The following MUCL3 variants were observed in gnomAD, a reference collection of about 807,000 sequenced individuals.
MUCL3 encodes the protein mucin-like protein 3.
A neutral mutation model predicts 70.2 loss-of-function variants in MUCL3; 42 were observed. That is an observed-to-expected ratio of 0.60 (90% confidence interval 0.47 to 0.77). The LOEUF (loss-of-function observed/expected upper bound fraction) is 0.77, where lower values mean the gene tolerates loss of function less well. Among genes scored for constraint, MUCL3 ranks in the 30% least tolerant of loss-of-function variants. MUCL3 has a pLI of 0.00. For missense variants in MUCL3, 1,429 were observed against 1,670.0 expected (o/e 0.86, Z 2.52); for synonymous variants, 522 against 647.0 (o/e 0.81, Z 2.93).
Position 30,952,161 on chromosome 6 carries a change from G to A in MUCL3, c.3697G>A (p.Glu1233Lys). 1.2e-6 allele frequency: 2 copies of A among 1,613,452 alleles called. No homozygotes were observed. Among genetic ancestry groups the A allele is most frequent in the Non-Finnish European group, 1.7e-6 (2 of 1,179,878 alleles). ...CCCAGTAAAGTCCACAGAAAACCCAGAAAAAACAGCAGCAGTCACAAAGAC... is the reference window on the plus strand; with the variant it reads ...CCCAGTAAAGTCCACAGAAAACCCAAAAAAAACAGCAGCAGTCACAAAGAC... ...KAPVKSTENP[E>K]KTAAVTKTIK... is the part of the protein sequence containing the mutation. The change falls in exon 2 of 3, where the codon GAA becomes AAA. Residue 1233 changes from glutamate to lysine, a missense_variant. Physicochemically the swap from Glu to Lys is moderately conservative, Grantham distance 56. Coordinates refer to ENST00000462446, the MANE Select transcript of MUCL3 (RefSeq NM_080870.4).
At position 30,952,268 on chromosome 6, in the gene MUCL3, T is replaced by A; in HGVS notation, c.3804T>A (p.His1268Gln). 3.1e-6 allele frequency: 5 copies of A among 1,614,060 alleles called. No homozygotes were observed. The highest frequency in any genetic ancestry group is 4.2e-6 in the Non-Finnish European group (5 of 1,179,990). ...SSHLNKTEVT[H>Q]QVPTGSFTLI... ...ATCTAAATAAAACTGAAGTTACTCA[T>A]CAGGTGCCCACTGGTTCTTTCACCC... The change falls in exon 2 of 3, where the codon CAT becomes CAA. Residue 1268 changes from histidine (H) to glutamine (Q), a missense_variant. Physicochemically the swap from His to Gln is conservative, Grantham distance 24. Coordinates refer to ENST00000462446, the MANE Select transcript of MUCL3 (RefSeq NM_080870.4).
Position 30,948,795 on chromosome 6 carries a change from T to C in MUCL3, c.331T>C (p.Ser111Pro). 6.4e-7 allele frequency: 1 copy of C among 1,551,210 alleles called. No homozygotes were observed. Among genetic ancestry groups the C allele is most frequent in the Non-Finnish European group, 8.7e-7 (1 of 1,146,940 alleles). Residue 111 changes from serine to proline, a missense_variant, in exon 2 of 3, where the codon TCT becomes CCT. Ser to Pro is a moderately conservative substitution (Grantham distance 74, BLOSUM62 -1). Coordinates refer to ENST00000462446, the MANE Select transcript of MUCL3 (RefSeq NM_080870.4). Reference sequence around the variant, plus strand: ...CTCCAAAACTATAGACCACAAAAGCTCTACAGATAATCATGAGGCTCCTCC... The same window carrying C: ...CTCCAAAACTATAGACCACAAAAGCCCTACAGATAATCATGAGGCTCCTCC... ...GNSKTIDHKS[S>P]TDNHEAPPTS...
chr6:30,952,989 A>G lies in MUCL3; in HGVS notation c.4054A>G (p.Thr1352Ala). Reference sequence around the variant, plus strand: ...ATCACAGGTCTCCTATATGATGCGGACACGCCGCACACTAACCCAGAACAC... The same window carrying G: ...ATCACAGGTCTCCTATATGATGCGGGCACGCCGCACACTAACCCAGAACAC... Reference protein sequence around the residue: ...LIFLVSYMMRTRRTLTQNTQY... With the variant: ...LIFLVSYMMRARRTLTQNTQY... Residue 1352 changes from threonine to alanine, a missense_variant, in exon 3 of 3, where the codon ACA becomes GCA. Coordinates refer to ENST00000462446, the MANE Select transcript of MUCL3 (RefSeq NM_080870.4). The G allele has an allele frequency of 1.9e-6, 3 of 1,614,202 alleles. No individual in the cohort carries two copies. Among genetic ancestry groups the G allele is most frequent in the Non-Finnish European group, 2.5e-6 (3 of 1,180,038 alleles).
Position 30,953,406 on chromosome 6 carries a change from G to A in MUCL3, c.*289G>A. On this transcript the variant is annotated 3_prime_UTR_variant, in exon 3 of 3. Coordinates refer to ENST00000462446, the MANE Select transcript of MUCL3 (RefSeq NM_080870.4). ...GGTGTTTGATGGACATGTTGTGGGG[G>A]CACCAATGCAGAACACTGCACTGAG... The A allele has an allele frequency of 2.0e-6, 1 of 506,050 alleles. No individual in the cohort carries two copies. Among genetic ancestry groups the A allele is most frequent in the Non-Finnish European group, 3.5e-6 (1 of 282,578 alleles). 31.3% of individuals were successfully genotyped at this position (506,050 alleles called of 1,614,324 possible).
chr6:30,952,630 G>C lies in MUCL3; in HGVS notation c.4035+131G>C, dbSNP rs141734710. On this transcript the variant is annotated intron_variant, in intron 2 of 2. Transcript: ENST00000462446. ...GGCAGAAGTGGGAGGAACAGTAATA[G>C]AGGGAGAGTTTTGGTGAAAACTAAG... 2.0e-4 allele frequency: 210 copies of C among 1,069,820 alleles called. No homozygotes were observed. The African/African-American group carries it at 2.6e-3, about 13-fold the overall frequency. The allele number at this position is 1,069,820 out of a possible 1,614,324, so 66.3% of individuals were successfully genotyped here.
In MUCL3 at chr6:30,950,582, G is replaced by C. The variant is rs868266427; in HGVS notation, c.2118G>C (p.Arg706Ser). 1 of 1,542,028 alleles carries C rather than the reference G, an allele frequency of 6.5e-7. No homozygotes were observed. Among genetic ancestry groups the C allele is most frequent in the Admixed American group, 2.0e-5 (1 of 49,544 alleles). Reference sequence around the variant, plus strand: ...CAGAGCCTACAGAACACGGAGAAAGGACCCCACTGGCCAATGAGAACACCA... The same window carrying C: ...CAGAGCCTACAGAACACGGAGAAAGCACCCCACTGGCCAATGAGAACACCA... Reference protein sequence around the residue: ...SSAEPTEHGERTPLANENTTL... With the variant: ...SSAEPTEHGESTPLANENTTL... Residue 706 changes from arginine (R) to serine (S), a missense_variant, in exon 2 of 3, where the codon AGG (arginine) becomes AGC (serine). Transcript: ENST00000462446.
chr6:30,950,356 A>G lies in MUCL3; in HGVS notation c.1892A>G (p.Asn631Ser), dbSNP rs1220559821. Residue 631 changes from asparagine (N) to serine (S), a missense_variant, in exon 2 of 3, where the codon AAT becomes AGT. Transcript: ENST00000462446. ...EPTENRERTA[N>S]ENTTPSPAGP... ...ACAGAAAATAGAGAAAGGACAGCCA[A>G]TGAGAACACCACACCATCCCCAGCA... 11 of 1,550,928 alleles carry G rather than the reference A, an allele frequency of 7.1e-6. No homozygotes were observed. Among genetic ancestry groups the G allele is most frequent in the East Asian group, 2.4e-5 (1 of 40,834 alleles).
chr6:30,946,644 T>C (rs1795792796), intron 1 of MUCL3, among the ~76,000 whole-genome samples: 2 of 152,222 alleles, frequency 1.3e-5, no homozygotes, highest in African/African-American at 4.8e-5. Flanking sequence ...AATAAACAAA[T>C]ATATGAACAG....
chr6:30,952,318 G>A lies in MUCL3; in HGVS notation c.3854G>A (p.Ser1285Asn), dbSNP rs1760750924. ...FTLITSRTKL[S>N]SITSEATGNE... ...CTCATTACATCTAGAACGAAGCTGA[G>A]TTCTATCACATCAGAAGCCACAGGA... Residue 1285 changes from serine (S) to asparagine (N), a missense_variant, in exon 2 of 3, where the codon AGT (serine) becomes AAT (asparagine). Transcript: ENST00000462446. 6 of 1,614,016 alleles carry A rather than the reference G, an allele frequency of 3.7e-6. No homozygotes were observed. The highest frequency in any genetic ancestry group is 1.3e-5 in the African/African-American group (1 of 74,918).
In MUCL3 at chr6:30,952,157, C is replaced by T; in HGVS notation, c.3693C>T (p.Asn1231=). The change falls in exon 2 of 3, where the codon AAC becomes AAT. Residue 1231 remains asparagine, a synonymous_variant. Coordinates refer to ENST00000462446, the MANE Select transcript of MUCL3 (RefSeq NM_080870.4). ...AAGCCCCAGTAAAGTCCACAGAAAA[C>T]CCAGAAAAAACAGCAGCAGTCACAA... ...TIKAPVKSTE[N]PEKTAAVTKT... is the part of the protein sequence containing the mutation. 4 of 1,613,836 alleles carry T rather than the reference C, an allele frequency of 2.5e-6. No individual in the cohort carries two copies. The South Asian group carries it at 3.3e-5, about 13-fold the overall frequency.
At chr6:30,943,706 T>C (rs1279798523) in intron 1 of MUCL3, among the ~76,000 whole-genome samples, 3 of 152,252 alleles carry the variant, frequency 2.0e-5, no homozygotes, top group East Asian at 1.9e-4. Context: ...CATTTTCCTA[T>C]AACAAATGTT....
Position 30,950,549 on chromosome 6 carries a change from A to C in MUCL3, c.2085A>C (p.Ser695=). The part of the protein sequence containing the change: ...RTPFANEKTT[S]SSAEPTEHGE... ...CATTTGCCAATGAGAAAACCACATC[A>C]TCCTCAGCAGAGCCTACAGAACACG... The change falls in exon 2 of 3, where the codon TCA becomes TCC. Residue 695 remains serine, a synonymous_variant. Coordinates refer to ENST00000462446, the MANE Select transcript of MUCL3 (RefSeq NM_080870.4). The C allele has an allele frequency of 4.5e-6, 7 of 1,548,850 alleles. No homozygotes were observed. Among genetic ancestry groups the C allele is most frequent in the Non-Finnish European group, 6.1e-6 (7 of 1,146,506 alleles).
chr6:30,950,348 G>C lies in MUCL3; in HGVS notation c.1884G>C (p.Arg628Ser), dbSNP rs905897605. 6.5e-7 allele frequency: 1 copy of C among 1,543,736 alleles called. No homozygotes were observed. Among genetic ancestry groups the C allele is most frequent in the African/African-American group, 1.4e-5 (1 of 70,030 alleles). Reference sequence around the variant, plus strand: ...CAGAGCCTACAGAAAATAGAGAAAGGACAGCCAATGAGAACACCACACCAT... The same window carrying C: ...CAGAGCCTACAGAAAATAGAGAAAGCACAGCCAATGAGAACACCACACCAT... The part of the protein sequence containing the change: ...SPAEPTENRE[R>S]TANENTTPSP... Residue 628 changes from arginine (R) to serine (S), a missense_variant, in exon 2 of 3, where the codon AGG becomes AGC. Physicochemically the swap from Arg to Ser is moderately radical, Grantham distance 110. Coordinates refer to ENST00000462446, the MANE Select transcript of MUCL3 (RefSeq NM_080870.4).
At chr6:30,944,113 G>A (rs748942602) in intron 1 of MUCL3, among the ~76,000 whole-genome samples, 1 of 152,196 alleles carries the variant, frequency 6.6e-6, no homozygotes, top group Non-Finnish European at 1.5e-5. Flanking sequence ...GGAAACACTA[G>A]AGATGCTCTT....
In MUCL3 at chr6:30,951,330, C is replaced by T; in HGVS notation, c.2866C>T (p.Pro956Ser). The part of the protein sequence containing the change: ...GERIANEKAT[P>S]SPAKPTEHGE... ...AAGGATAGCCAATGAGAAGGCCACACCATCCCCAGCAAAGCCTACAGAACA... is the reference window on the plus strand; with the variant it reads ...AAGGATAGCCAATGAGAAGGCCACATCATCCCCAGCAAAGCCTACAGAACA... The change falls in exon 2 of 3, where the codon CCA becomes TCA. Residue 956 changes from proline to serine, a missense_variant. Physicochemically the swap from Pro to Ser is moderately conservative, Grantham distance 74 (BLOSUM62 -1). Coordinates refer to ENST00000462446, the MANE Select transcript of MUCL3 (RefSeq NM_080870.4). The T allele has an allele frequency of 1.9e-6, 3 of 1,545,660 alleles. No homozygotes were observed. Among genetic ancestry groups the T allele is most frequent in the Non-Finnish European group, 1.7e-6 (2 of 1,143,534 alleles).
In MUCL3 at chr6:30,950,038, G is replaced by A; in HGVS notation, c.1574G>A (p.Arg525Lys). The change falls in exon 2 of 3, where the codon AGG becomes AAG. Residue 525 changes from arginine to lysine, a missense_variant. Arg to Lys is a conservative substitution (Grantham distance 26). Coordinates refer to ENST00000462446, the MANE Select transcript of MUCL3 (RefSeq NM_080870.4). The part of the protein sequence containing the change: ...SSAEPTEHGE[R>K]TPLANENTTP... ...GCAGAGCCTACAGAACACGGAGAAA[G>A]GACCCCACTGGCCAATGAGAACACC... is the stretch of plus-strand genomic sequence containing the variant. The A allele has an allele frequency of 6.5e-7, 1 of 1,548,794 alleles. No individual in the cohort carries two copies. The highest frequency in any genetic ancestry group is 8.7e-7 in the Non-Finnish European group (1 of 1,146,378).
chr6:30,953,558 TC>T lies in MUCL3; in HGVS notation c.*442del. On this transcript the variant is annotated 3_prime_UTR_variant, in exon 3 of 3. Coordinates refer to ENST00000462446, the MANE Select transcript of MUCL3 (RefSeq NM_080870.4). ...CAGGACAGCATTATGTTATTTCCATTCACTATTACTTAAGAGTTTGTGTGTA... is the reference window on the plus strand; with the variant it reads ...CAGGACAGCATTATGTTATTTCCATTACTATTACTTAAGAGTTTGTGTGTA... 5.9e-6 allele frequency: 1 copy of T among 168,376 alleles called. No homozygotes were observed. The highest frequency in any genetic ancestry group is 1.3e-5 in the Non-Finnish European group (1 of 78,526). The allele number at this position is 168,376 out of a possible 1,614,324, so 10.4% of individuals were successfully genotyped here. A position where few individuals can be genotyped will look rare whatever the true frequency, so the allele number is the denominator to read the frequency against.
At position 30,951,289 on chromosome 6, in the gene MUCL3, C is replaced by A; in HGVS notation, c.2825C>A (p.Pro942His). 6.4e-7 allele frequency: 1 copy of A among 1,550,770 alleles called. No individual in the cohort carries two copies. The highest frequency in any genetic ancestry group is 2.4e-5 in the East Asian group (1 of 40,844). The change falls in exon 2 of 3, where the codon CCT becomes CAT. Residue 942 changes from proline (P) to histidine (H), a missense_variant. Physicochemically the swap from Pro to His is moderately conservative, Grantham distance 77. Coordinates refer to ENST00000462446, the MANE Select transcript of MUCL3 (RefSeq NM_080870.4). ...NEITTPSRAE[P>H]TEHGERIANE... ...ATCACCACACCATCCCGAGCAGAGC[C>A]TACAGAACATGGAGAAAGGATAGCC...
rs760993565 is a variant in MUCL3 at position 30,953,062 on chromosome 6, T to C, written c.4127T>C (p.Val1376Ala). ...EDEGGPNSYP[V>A]YLMEQQNLGM... ...GAGGGTGGCCCCAATTCCTACCCGG[T>C]CTACCTGATGGAGCAGCAGAATCTT... is the stretch of plus-strand genomic sequence containing the variant. The change falls in exon 3 of 3, where the codon GTC becomes GCC. Residue 1376 changes from valine (V) to alanine (A), a missense_variant. Coordinates refer to ENST00000462446, the MANE Select transcript of MUCL3 (RefSeq NM_080870.4). The C allele has an allele frequency of 6.2e-7, 1 of 1,614,230 alleles. No individual in the cohort carries two copies. The highest frequency in any genetic ancestry group is 8.5e-7 in the Non-Finnish European group (1 of 1,180,036).
Sources: allele counts gnomAD v4.1 joint callset (sites outside exome capture counted in the v4.1 genomes callset), GRCh38; gene constraint gnomAD v4.1.1; transcripts MANE v1.5; gene names NCBI Gene and HGNC (gene_info 2026-07-23, HGNC 2026-07-21).